The following LIMK2 variants were observed in gnomAD, a reference collection of about 807,000 sequenced individuals.
The protein encoded by LIMK2 is LIM domain kinase 2.
Under a neutral mutation model 75.7 loss-of-function variants are expected in LIMK2, and 35 were observed. The ratio of observed to expected loss-of-function variants is 0.46; its 90% confidence interval spans 0.35 to 0.61. LIMK2 has a LOEUF of 0.61. Among genes scored for constraint, LIMK2 ranks in the 20% least tolerant of loss-of-function variants. LIMK2 has a pLI of 0.00. For missense variants in LIMK2, 623 were observed against 831.0 expected (o/e 0.75, Z 3.08); for synonymous variants, 301 against 319.2 (o/e 0.94, Z 0.61).
At position 31,252,835 on chromosome 22, in the gene LIMK2, G is replaced by A. The variant is rs74754549; in HGVS notation, c.117-5456G>A. ...AAGATATTATTAGCAATGTACAAGT[G>A]AGGAAACTGAGGCTCAGAGTCATGA... On this transcript the variant is annotated intron_variant, in intron 2 of 15. Coordinates refer to ENST00000331728, the MANE Select transcript of LIMK2 (RefSeq NM_005569.4). Among the ~76,000 whole-genome samples, 409 of 152,364 alleles carry A rather than the reference G, an allele frequency of 2.7e-3. 2 individuals are homozygous for A. Among genetic ancestry groups the A allele is most frequent in the African/African-American group, 9.6e-3 (398 of 41,584 alleles).
intron 2 of LIMK2, among the ~76,000 whole-genome samples, chr22:31,246,175 G>GCACACACACACACACACACACACACA (rs1300039438): frequency 9.0e-5 from 7 of 78,052 alleles, no homozygotes; most frequent in Admixed American, 4.6e-4. Context: ...TCCGACACAC[G>GCACACACACACACACACACACACACA]CACGCACGCA....
chr22:31,269,055 TTTTTTTG>T (rs66639342), intron 11 of LIMK2, among the ~76,000 whole-genome samples: 2 of 147,578 alleles, frequency 1.4e-5, no homozygotes, highest in African/African-American at 4.9e-5. Context: ...TGTTTGTTTG[TTTTTTTG>T]TTTTTTTTTC....
At position 31,225,751 on chromosome 22, in the gene LIMK2, G is replaced by A. The variant is rs2123775059; in HGVS notation, c.48G>A (p.Gly16=). ...ATGTCTGGAGGTGTCCAGGCTGTGG[G>A]GACCACATTGCTCCAAGCCAGATAT... ...GEDVWRCPGC[G]DHIAPSQIWY... is the part of the protein sequence containing the mutation. The change falls in exon 2 of 16, where the codon GGG becomes GGA. Residue 16 remains glycine (G), a synonymous_variant. Transcript: ENST00000331728. 1.9e-6 allele frequency: 3 copies of A among 1,614,056 alleles called. No homozygotes were observed. The highest frequency in any genetic ancestry group is 2.2e-5 in the East Asian group (1 of 44,888).
At chr22:31,260,477 T>C (rs2048827445) in intron 5 of LIMK2, among the ~76,000 whole-genome samples, 1 of 151,968 alleles carries the variant, frequency 6.6e-6, no homozygotes, top group Non-Finnish European at 1.5e-5. Flanking sequence ...ATAGTAGGAG[T>C]TGATTGATTA....
chr22:31,262,785 C>T lies in LIMK2; in HGVS notation c.848C>T (p.Ser283Phe), dbSNP rs1046954174. Residue 283 changes from serine to phenylalanine, a missense_variant, in exon 7 of 16, where the codon TCC becomes TTC. Coordinates refer to ENST00000331728, the MANE Select transcript of LIMK2 (RefSeq NM_005569.4). The surrounding 1 kb of genome is among the most constrained non-coding windows in gnomAD (Gnocchi z 5.0). ...CTGGAGGGGACACTGAGGAGACGTT[C>T]CCTAAGGTGCCACCTCCCACCCTGG... ...ENLEGTLRRR[S>F]LRRSNSISKS... 3 of 1,599,260 alleles carry T rather than the reference C, an allele frequency of 1.9e-6. No homozygotes were observed. The highest frequency in any genetic ancestry group is 2.6e-6 in the Non-Finnish European group (3 of 1,171,470).
intron 5 of LIMK2, among the ~76,000 whole-genome samples, chr22:31,261,666 G>A (rs1016954078): frequency 6.6e-6 from 1 of 152,206 alleles, no homozygotes; most frequent in Non-Finnish European, 1.5e-5. Context: ...TACTCAGGAG[G>A]CTGAGGCATG....
At chr22:31,271,043 G>A in intron 11 of LIMK2, 93 bp from the exon 12 acceptor site, 1 of 1,167,828 alleles carries the variant, frequency 8.6e-7, no homozygotes, top group Non-Finnish European at 1.3e-6. Flanking sequence ...GGTGGGCATG[G>A]CCTGGTAGGA....
Position 31,257,949 on chromosome 22 carries a change from C to T in LIMK2, c.117-342C>T, listed in dbSNP as rs562006340. 4.6e-5 allele frequency among the ~76,000 whole-genome samples: 7 copies of T among 152,304 alleles called. No homozygotes were observed. The East Asian group carries it at 1.3e-3, about 29-fold the overall frequency. ...TCAGAGAATCCTTTATATATACACC[C>T]TGTCCCCCACCTAAATTATATACAC... is the stretch of plus-strand genomic sequence containing the variant. On this transcript the variant is annotated intron_variant, in intron 2 of 15. Coordinates refer to ENST00000331728, the MANE Select transcript of LIMK2 (RefSeq NM_005569.4).
Position 31,262,737 on chromosome 22 carries a change from G to A in LIMK2, c.800G>A (p.Ser267Asn). ...MQNAGHPHAL[S>N]TLDTKENLEG... ...AATGCCGGACACCCCCACGCCCTCA[G>A]CACCCTGGACACCAAGGAGAATCTG... The change falls in exon 7 of 16, where the codon AGC (serine) becomes AAC (asparagine). Residue 267 changes from serine (S) to asparagine (N), a missense_variant. Around this residue, in one of 3 missense-constraint regions of LIMK2, gnomAD observed 514 missense variants for 661.3 expected, o/e 0.78. Coordinates refer to ENST00000331728, the MANE Select transcript of LIMK2 (RefSeq NM_005569.4). This position sits in a 1 kb window ranked among gnomAD's most constrained non-coding sequence, Gnocchi z 5.0. 6.2e-7 allele frequency: 1 copy of A among 1,614,046 alleles called. No individual in the cohort carries two copies. Among genetic ancestry groups the A allele is most frequent in the South Asian group, 1.1e-5 (1 of 91,068 alleles).
chr22:31,251,674 C>A (rs1164472793), intron 2 of LIMK2, among the ~76,000 whole-genome samples: 3 of 150,800 alleles, frequency 2.0e-5, no homozygotes, highest in African/African-American at 7.3e-5. Flanking sequence ...TTTAAAACAA[C>A]AATAACATAT....
chr22:31,241,511 T>A (rs2048623624), intron 2 of LIMK2, among the ~76,000 whole-genome samples: 1 of 152,180 alleles, frequency 6.6e-6, no homozygotes, highest in African/African-American at 2.4e-5. Context: ...AGGTGCTGTC[T>A]TCTCCTCCTT....
chr22:31,251,924 G>A (rs891874741), intron 2 of LIMK2, among the ~76,000 whole-genome samples: 4 of 152,136 alleles, frequency 2.6e-5, no homozygotes, highest in Non-Finnish European at 4.4e-5. Context: ...ACTCAATTCA[G>A]AGGCTAGGGG....
intron 1 of LIMK2, among the ~76,000 whole-genome samples, chr22:31,214,864 A>G (rs571214260): frequency 1.3e-5 from 2 of 152,244 alleles, no homozygotes; most frequent in South Asian, 4.2e-4. Context: ...GGCGCGATCC[A>G]GACTCACTGT....
At chr22:31,249,086 A>G (rs1203116460) in intron 2 of LIMK2, among the ~76,000 whole-genome samples, 4 of 152,190 alleles carry the variant, frequency 2.6e-5, no homozygotes, top group Non-Finnish European at 4.4e-5. Context: ...TCCGGGGGGA[A>G]TAGCCCAAAT....
At chr22:31,225,867 C>A in intron 2 of LIMK2, 48 bp downstream of exon 2, 2 of 1,323,906 alleles carry the variant, frequency 1.5e-6, no homozygotes, top group Non-Finnish European at 2.2e-6. Flanking sequence ...ATGGGCCAAG[C>A]ACTATTTCAT....
chr22:31,277,169 C>G (rs1053135543), intron 15 of LIMK2: 5 of 1,612,948 alleles, frequency 3.1e-6, no homozygotes, highest in Non-Finnish European at 4.2e-6. Flanking sequence ...AACGGTGGCT[C>G]CCATAGGACA....
At chr22:31,261,929 T>G (rs1414572542) in intron 5 of LIMK2, among the ~76,000 whole-genome samples, 1 of 152,234 alleles carries the variant, frequency 6.6e-6, no homozygotes, top group Non-Finnish European at 1.5e-5. Context: ...TGTTCAAGTT[T>G]CTGGCTTAGG....
At chr22:31,253,414 G>A (rs968798570) in intron 2 of LIMK2, among the ~76,000 whole-genome samples, 3 of 152,204 alleles carry the variant, frequency 2.0e-5, no homozygotes, top group African/African-American at 7.2e-5. Context: ...AGTGTGTTCT[G>A]GGTTCTTTGT....
At chr22:31,267,973 C>T in intron 10 of LIMK2, 66 bp downstream of exon 10, 1 of 1,570,576 alleles carries the variant, frequency 6.4e-7, no homozygotes, top group Non-Finnish European at 8.7e-7. Context: ...GCTATCACTA[C>T]CCTAGGAGCT....
Sources: allele counts gnomAD v4.1 joint callset (sites outside exome capture counted in the v4.1 genomes callset), GRCh38; gene constraint gnomAD v4.1.1; regional missense constraint gnomAD v4.1.1; non-coding constraint Gnocchi (gnomAD v3.1); transcripts MANE v1.5; gene names NCBI Gene and HGNC (gene_info 2026-07-23, HGNC 2026-07-21).